The following KIF16B variants were observed in gnomAD, a reference collection of about 807,000 sequenced individuals.
KIF16B encodes the protein kinesin-like protein KIF16B.
KIF16B carries 98 observed loss-of-function variants against 156.3 expected under a neutral mutation model. The observed-to-expected ratio is 0.63, with a 90% CI of 0.53 to 0.74. The LOEUF (loss-of-function observed/expected upper bound fraction) is 0.74, where lower values mean the gene tolerates loss of function less well. KIF16B is among the 30% of genes least tolerant of loss of function. The pLI is 0.00. For missense variants in KIF16B, 1,421 were observed against 1,606.5 expected (o/e 0.88, Z 1.97); for synonymous variants, 564 against 583.7 (o/e 0.97, Z 0.49).
intron 23 of KIF16B, among the ~76,000 whole-genome samples, chr20:16,340,689 G>A (rs1019139930): frequency 4.6e-5 from 7 of 152,162 alleles, no homozygotes; most frequent in African/African-American, 7.2e-5. Flanking sequence ...TTTCCTCTTT[G>A]TTGCTTTCAC....
intron 25 of KIF16B, among the ~76,000 whole-genome samples, chr20:16,308,420 G>A (rs1391652269): frequency 6.6e-6 from 1 of 152,196 alleles, no homozygotes; most frequent in Non-Finnish European, 1.5e-5. Context: ...ATAACACTGG[G>A]AGGTGACTTT....
intron 12 of KIF16B, among the ~76,000 whole-genome samples, chr20:16,445,455 A>C (rs1423421364): frequency 7.9e-6 from 1 of 126,168 alleles, no homozygotes; most frequent in African/African-American, 3.4e-5. Flanking sequence ...TTTTAATCTA[A>C]AGTCATTCTA....
chr20:16,349,069 G>A (rs1211458132), intron 23 of KIF16B, among the ~76,000 whole-genome samples: 5 of 152,202 alleles, frequency 3.3e-5, no homozygotes, highest in African/African-American at 4.8e-5. Context: ...GGCTGGCTGG[G>A]TGTGCCTGTG....
intron 24 of KIF16B, among the ~76,000 whole-genome samples, chr20:16,331,855 G>A: frequency 6.6e-6 from 1 of 152,146 alleles, no homozygotes; most frequent in East Asian, 1.9e-4. Flanking sequence ...ATTATTTACA[G>A]AGATGGTAAT....
chr20:16,508,304 C>T (rs2068849719), intron 6 of KIF16B, among the ~76,000 whole-genome samples: 1 of 152,164 alleles, frequency 6.6e-6, no homozygotes, highest in South Asian at 2.1e-4. Flanking sequence ...TGCTTACTAG[C>T]CGTGGACTTA....
At chr20:16,416,751 G>A (rs1000974952) in intron 15 of KIF16B, among the ~76,000 whole-genome samples, 1 of 151,928 alleles carries the variant, frequency 6.6e-6, no homozygotes, top group African/African-American at 2.4e-5. Context: ...AGAGTAGCAG[G>A]TGGATTGAAG....
chr20:16,419,049 A>G (rs1017238863), intron 15 of KIF16B, among the ~76,000 whole-genome samples: 2 of 152,106 alleles, frequency 1.3e-5, no homozygotes, highest in Non-Finnish European at 2.9e-5. Flanking sequence ...CCTGATCCCT[A>G]GATTTGCTGG....
chr20:16,410,010 TGTAGGTAC>T (rs1490937582), intron 15 of KIF16B, among the ~76,000 whole-genome samples: 2 of 119,952 alleles, frequency 1.7e-5, no homozygotes, highest in African/African-American at 3.3e-5. Flanking sequence ...CATATATATA[TGTAGGTAC>T]ATATATATAT....
chr20:16,560,091 AAAAG>A (rs1413504621), intron 1 of KIF16B, among the ~76,000 whole-genome samples: 3 of 152,200 alleles, frequency 2.0e-5, no homozygotes, highest in Admixed American at 6.5e-5. Context: ...TATTTTTAAA[AAAAG>A]AAAGAAAAGC....
At chr20:16,351,781 G>A (rs1259512957) in intron 23 of KIF16B, among the ~76,000 whole-genome samples, 1 of 152,148 alleles carries the variant, frequency 6.6e-6, no homozygotes, top group Non-Finnish European at 1.5e-5. Context: ...TCTGACCCAG[G>A]GTCTCCTGGG....
intron 24 of KIF16B, among the ~76,000 whole-genome samples, chr20:16,315,397 G>T (rs1220388341): frequency 6.6e-6 from 1 of 152,156 alleles, no homozygotes; most frequent in Non-Finnish European, 1.5e-5. Context: ...ACTTGGAAAG[G>T]CTCAGAGTCA....
intron 15 of KIF16B, among the ~76,000 whole-genome samples, chr20:16,421,707 G>A (rs532699534): frequency 1.3e-5 from 2 of 152,098 alleles, no homozygotes; most frequent in African/African-American, 4.8e-5. Flanking sequence ...AAGTCATCTC[G>A]CATTTTACTG....
intron 1 of KIF16B, among the ~76,000 whole-genome samples, chr20:16,559,224 G>A (rs1555197): frequency 0.096 from 14,501 of 151,510 alleles, 810 homozygotes; most frequent in East Asian, 0.31. Flanking sequence ...AATGCCCCAC[G>A]TCTCATTTGA....
chr20:16,331,100 G>A (rs2063940296), intron 24 of KIF16B, among the ~76,000 whole-genome samples: 1 of 152,230 alleles, frequency 6.6e-6, no homozygotes. Flanking sequence ...TATGGGAGTT[G>A]TGAGTCTGAA....
chr20:16,334,539 A>G (rs540984841), intron 24 of KIF16B, among the ~76,000 whole-genome samples: 16 of 152,210 alleles, frequency 1.1e-4, no homozygotes, highest in Non-Finnish European at 2.1e-4. Context: ...AATTTCAGAG[A>G]TAGCTTAAGA....
intron 12 of KIF16B, among the ~76,000 whole-genome samples, chr20:16,436,061 T>A (rs2146489626): frequency 6.6e-6 from 1 of 152,308 alleles, no homozygotes; most frequent in South Asian, 2.1e-4. Flanking sequence ...TCCTCTTCTT[T>A]CTTGTTCTCT....
intron 15 of KIF16B, among the ~76,000 whole-genome samples, chr20:16,419,548 T>G (rs934189079): frequency 6.6e-6 from 1 of 152,128 alleles, no homozygotes; most frequent in Non-Finnish European, 1.5e-5. Context: ...AAATATATTT[T>G]GGCACTCAAG....
intron 1 of KIF16B, among the ~76,000 whole-genome samples, chr20:16,572,113 A>ACT (rs1442518617): frequency 3.9e-5 from 6 of 152,210 alleles, no homozygotes; most frequent in African/African-American, 1.4e-4. Context: ...TCAAACTCTT[A>ACT]CTCTAAACAG....
chr20:16,538,383 C>T (rs1370177714), intron 1 of KIF16B, among the ~76,000 whole-genome samples: 1 of 152,110 alleles, frequency 6.6e-6, no homozygotes, highest in Admixed American at 6.5e-5. Context: ...AATAAATAAT[C>T]CTAAGATATT....
Sources: allele counts gnomAD v4.1 joint callset (sites outside exome capture counted in the v4.1 genomes callset), GRCh38; gene constraint gnomAD v4.1.1; transcripts MANE v1.5; gene names NCBI Gene and HGNC (gene_info 2026-07-23, HGNC 2026-07-21).